Variants in CCT4 observed in about 807,000 individuals in gnomAD.
CCT4 encodes the protein T-complex protein 1 subunit delta.
A neutral mutation model predicts 62.5 loss-of-function variants in CCT4; 17 were observed. That is an observed-to-expected ratio of 0.27 (90% CI 0.19 to 0.41). The LOEUF (loss-of-function observed/expected upper bound fraction) is 0.41, where lower values mean the gene tolerates loss of function less well. Among genes scored for constraint, CCT4 ranks in the 10% least tolerant of loss-of-function variants. CCT4 has a pLI of 1.00. For missense variants in CCT4, 592 were observed against 659.2 expected (o/e 0.90, Z 1.12); for synonymous variants, 250 against 229.9 (o/e 1.09, Z -0.79).
rs575173754 is a variant in CCT4 at position 61,888,580 on chromosome 2, T to C, written c.-73A>G. 5.2e-6 allele frequency: 8 copies of C among 1,546,078 alleles called. No homozygotes were observed. The highest frequency in any genetic ancestry group is 4.1e-5 in the African/African-American group (3 of 73,470). On this transcript the variant is annotated 5_prime_UTR_variant, in exon 1 of 14. Coordinates refer to ENST00000394440, the MANE Select transcript of CCT4 (RefSeq NM_006430.4). Reference sequence around the variant, plus strand: ...CGGATTCTGGCCGGCCGCAGTGTAATAACGGTAAGCCCTCACTGCCTTCAC... The same window carrying C: ...CGGATTCTGGCCGGCCGCAGTGTAACAACGGTAAGCCCTCACTGCCTTCAC...
chr2:61,888,469 G>A lies in CCT4; in HGVS notation c.39C>T (p.Ala13=), dbSNP rs1229257091. 1.9e-6 allele frequency: 3 copies of A among 1,611,862 alleles called. No individual in the cohort carries two copies. The highest frequency in any genetic ancestry group is 1.7e-5 in the Admixed American group (1 of 59,842). ...ENVAPRSGAT[A]GAAGGRGKGA... ...CTTTCCCGCGGCCGCCGGCAGCCCC[G>A]GCAGTCGCCCCGCTCCGGGGTGCCA... Residue 13 remains alanine (A), a synonymous_variant, in exon 1 of 14, where the codon GCC becomes GCT. Coordinates refer to ENST00000394440, the MANE Select transcript of CCT4 (RefSeq NM_006430.4).
In CCT4 at chr2:61,888,367, C is replaced by T; in HGVS notation, c.127+14G>A. ...AACCCCGCGGCGCCGCGGGTCAGGC[C>T]ATGAGAGTGATACCTTTGGCGGCGG... On this transcript the variant is annotated intron_variant, in intron 1 of 13. Transcript: ENST00000394440. 6.2e-7 allele frequency: 1 copy of T among 1,611,932 alleles called. No homozygotes were observed. Among genetic ancestry groups the T allele is most frequent in the South Asian group, 1.1e-5 (1 of 90,806 alleles).
At chr2:61,871,181 G>T (rs923919554) in intron 12 of CCT4, among the ~76,000 whole-genome samples, 1 of 151,718 alleles carries the variant, frequency 6.6e-6, no homozygotes, top group Non-Finnish European at 1.5e-5. Context: ...ACAGATATCC[G>T]CCACTTCGCC....
chr2:61,883,686 A>G (rs893759087), intron 2 of CCT4, 138 bp from the exon 3 acceptor site: 1 of 594,452 alleles, frequency 1.7e-6, no homozygotes, highest in South Asian at 2.0e-5. Flanking sequence ...CATTAGCATA[A>G]TAGTTTAAGA....
chr2:61,878,010 C>T (rs1669037166), intron 5 of CCT4, among the ~76,000 whole-genome samples: 1 of 152,144 alleles, frequency 6.6e-6, no homozygotes. Flanking sequence ...TTTGGCCAAA[C>T]AGCGTAGTTA....
intron 5 of CCT4, 87 bp from the exon 6 acceptor site, chr2:61,877,601 CTTA>C: frequency 9.2e-7 from 1 of 1,085,236 alleles, no homozygotes; most frequent in Non-Finnish European, 1.3e-6. Flanking sequence ...AAGAAAGACT[CTTA>C]TAATTTTTGC....
chr2:61,878,499 C>T (rs1669046431), intron 5 of CCT4, among the ~76,000 whole-genome samples: 1 of 152,162 alleles, frequency 6.6e-6, no homozygotes, highest in Admixed American at 6.5e-5. Flanking sequence ...AAAAACTTAT[C>T]ACAATGCCCA....
In CCT4 at chr2:61,872,156, G is replaced by A; in HGVS notation, c.1417C>T (p.Pro473Ser). 1 of 1,614,010 alleles carries A rather than the reference G, an allele frequency of 6.2e-7. No homozygotes were observed. Among genetic ancestry groups the A allele is most frequent in the Non-Finnish European group, 8.5e-7 (1 of 1,179,976 alleles). The change falls in exon 12 of 14, where the codon CCC becomes TCC. Residue 473 changes from proline to serine, a missense_variant. Physicochemically the swap from Pro to Ser is moderately conservative, Grantham distance 74 (BLOSUM62 -1). Transcript: ENST00000394440. ...STLAENAGLN[P>S]ISTVTELRNR... ...CTTAGTTCTGTTACTGTAGAAATGG[G>A]ATTCAGGCCGGCATTTTCAGCTAGT...
Position 61,876,182 on chromosome 2 carries a change from C to T in CCT4, c.830G>A (p.Arg277Gln), listed in dbSNP as rs746781276. Residue 277 changes from arginine (R) to glutamine (Q), a missense_variant, in exon 8 of 14, where the codon CGA becomes CAA. Arg to Gln is a conservative substitution (Grantham distance 43). Around this residue, in one of 3 missense-constraint regions of CCT4, gnomAD observed 522 missense variants for 571.2 expected, o/e 0.91. Coordinates refer to ENST00000394440, the MANE Select transcript of CCT4 (RefSeq NM_006430.4). ...SDYAQMDRVL[R>Q]EERAYILNLV... is the part of the protein sequence containing the mutation. ...ATTTAAAATATAGGCTCTCTCTTCT[C>T]GCAGCACTCGGTCCATCTGGGCATA... 31 of 1,610,034 alleles carry T rather than the reference C, an allele frequency of 1.9e-5. No individual in the cohort carries two copies. Among genetic ancestry groups the T allele is most frequent in the Non-Finnish European group, 2.4e-5 (28 of 1,176,846 alleles).
chr2:61,888,294 G>A (rs1184840289), intron 1 of CCT4, 87 bp downstream of exon 1: 67 of 1,464,182 alleles, frequency 4.6e-5, no homozygotes, highest in Non-Finnish European at 5.6e-5. Context: ...CCGAAGAAAT[G>A]GGAAATGAGC....
Position 61,877,379 on chromosome 2 carries a change from T to C in CCT4, c.644+14A>G. 6.3e-7 allele frequency: 1 copy of C among 1,599,964 alleles called. No homozygotes were observed. The highest frequency in any genetic ancestry group is 1.7e-4 in the Middle Eastern group (1 of 5,918). On this transcript the variant is annotated intron_variant, in intron 6 of 13. Coordinates refer to ENST00000394440, the MANE Select transcript of CCT4 (RefSeq NM_006430.4). ...TTTCAAATTTTTATTCAAGTTGTAATTAGAGATGCTTACCCAAGCTTCTTA... is the reference window on the plus strand; with the variant it reads ...TTTCAAATTTTTATTCAAGTTGTAACTAGAGATGCTTACCCAAGCTTCTTA...
chr2:61,870,526 C>T (rs1407023178), intron 12 of CCT4, among the ~76,000 whole-genome samples: 1 of 152,124 alleles, frequency 6.6e-6, no homozygotes, highest in Admixed American at 6.5e-5. Context: ...TCTCATCCTA[C>T]TTCCCTTTAT....
In CCT4 at chr2:61,868,714, G is replaced by A; in HGVS notation, c.1606-8C>T. ...AGATTATCGAGTGTTTACCTGATAAGAGAAAAACTTAGATTTCAAAACCTG... is the reference window on the plus strand; with the variant it reads ...AGATTATCGAGTGTTTACCTGATAAAAGAAAAACTTAGATTTCAAAACCTG... On this transcript the variant is annotated splice_polypyrimidine_tract_variant and splice_region_variant and intron_variant, in intron 13 of 13. Coordinates refer to ENST00000394440, the MANE Select transcript of CCT4 (RefSeq NM_006430.4). The A allele has an allele frequency of 6.3e-7, 1 of 1,581,508 alleles. No individual in the cohort carries two copies. Among genetic ancestry groups the A allele is most frequent in the Non-Finnish European group, 8.7e-7 (1 of 1,150,634 alleles).
chr2:61,882,747 G>A (rs1168161963), intron 3 of CCT4, among the ~76,000 whole-genome samples: 1 of 151,858 alleles, frequency 6.6e-6, no homozygotes, highest in Non-Finnish European at 1.5e-5. Context: ...CTGAGCTCAA[G>A]CAATCCTCCC....
At position 61,877,068 on chromosome 2, in the gene CCT4, A is replaced by C; in HGVS notation, c.645-16T>G. ...AATTGTCCCACTAAGGATAAAAGAA[A>C]ACAAAGAGGGGTAGTTAAGAGGGAG... is the stretch of plus-strand genomic sequence containing the variant. On this transcript the variant is annotated splice_polypyrimidine_tract_variant and intron_variant, in intron 6 of 13. Transcript: ENST00000394440. The C allele has an allele frequency of 5.0e-6, 8 of 1,609,574 alleles. No individual in the cohort carries two copies. The South Asian group carries it at 8.8e-5, about 18-fold the overall frequency.
At chr2:61,876,358 A>G (rs1669001197) in intron 7 of CCT4, 124 bp from the exon 8 acceptor site, 1 of 600,192 alleles carries the variant, frequency 1.7e-6, no homozygotes, top group Non-Finnish European at 2.8e-6. Context: ...AATAAATTAT[A>G]TAGACATGCA....
At chr2:61,882,511 G>C (rs563206806) in intron 3 of CCT4, among the ~76,000 whole-genome samples, 1 of 151,590 alleles carries the variant, frequency 6.6e-6, no homozygotes, top group African/African-American at 2.4e-5. Flanking sequence ...AAGGTGACTT[G>C]TGTTTCTTTC....
intron 8 of CCT4, 77 bp from the exon 9 acceptor site, chr2:61,873,370 T>G: frequency 1.5e-6 from 1 of 667,786 alleles, no homozygotes; most frequent in South Asian, 1.8e-5. Flanking sequence ...AAGGTTTTAA[T>G]TACTGTTTCT....
chr2:61,884,270 C>T (rs1045752235), intron 2 of CCT4, among the ~76,000 whole-genome samples: 1 of 152,156 alleles, frequency 6.6e-6, no homozygotes, highest in Non-Finnish European at 1.5e-5. Flanking sequence ...AAAGTAACCT[C>T]TCCTTCCTCT....
Sources: gnomAD v4.1 joint callset for allele counts (sites outside exome capture counted in the v4.1 genomes callset) on GRCh38, gnomAD v4.1.1 for gene constraint, gnomAD v4.1.1 regional missense constraint, MANE v1.5 for transcripts, NCBI Gene and HGNC (gene_info 2026-07-23, HGNC 2026-07-21) for gene names.